Variants in ABCE1 observed in about 807,000 individuals in gnomAD.
ABCE1 encodes ATP binding cassette subfamily E member 1, also known as ATP-binding cassette sub-family E member 1.
In ABCE1, 22 loss-of-function variants were observed where a neutral mutation model predicts 83.4. The observed-to-expected ratio is 0.26, with a 90% confidence interval of 0.19 to 0.38. The LOEUF (loss-of-function observed/expected upper bound fraction) is 0.38, where lower values mean the gene tolerates loss of function less well. Ranked by LOEUF, ABCE1 falls within the 10% of genes least tolerant of loss-of-function variation. The pLI, the probability that ABCE1 is intolerant of heterozygous loss-of-function variation, is 1.00. For missense variants in ABCE1, 330 were observed against 721.9 expected (o/e 0.46, Z 6.22); for synonymous variants, 204 against 233.7 (o/e 0.87, Z 1.16).
intron 17 of ABCE1, among the ~76,000 whole-genome samples, chr4:145,127,120 G>GA (rs1749908003): frequency 6.6e-6 from 1 of 151,986 alleles, no homozygotes; most frequent in East Asian, 1.9e-4. Context: ...GCCAGTATTG[G>GA]AAAAAACTTT....
At chr4:145,104,654 T>C in intron 2 of ABCE1, 139 bp downstream of exon 2, 1 of 545,732 alleles carries the variant, frequency 1.8e-6, no homozygotes. Flanking sequence ...AGAAAAGTAG[T>C]TTGTTCTAAA....
At chr4:145,107,832 A>G (rs568273736) in intron 3 of ABCE1, among the ~76,000 whole-genome samples, 183 bp from the exon 4 acceptor site, 6 of 152,228 alleles carry the variant, frequency 3.9e-5, no homozygotes, top group Admixed American at 6.5e-5. Context: ...GACAATTGAT[A>G]TAATTCTAAT....
chr4:145,116,219 A>G (rs538576350), intron 9 of ABCE1, among the ~76,000 whole-genome samples: 1 of 152,104 alleles, frequency 6.6e-6, no homozygotes, highest in South Asian at 2.1e-4. Context: ...ATAGAAAGAT[A>G]GTAACTAAAG....
chr4:145,121,704 T>C, intron 13 of ABCE1: 1 of 236,190 alleles, frequency 4.2e-6, no homozygotes, highest in Non-Finnish European at 8.4e-6. Flanking sequence ...AAACCCTGTC[T>C]CTACTAAAAC....
In ABCE1 at chr4:145,114,615, G is replaced by T. The variant is rs148345267; in HGVS notation, c.800+2287G>T. On this transcript the variant is annotated intron_variant, in intron 9 of 17. Coordinates refer to ENST00000296577, the MANE Select transcript of ABCE1 (RefSeq NM_002940.3). The stretch of plus-strand genomic sequence containing the variant: ...AAATTAAAAGATCAGTAACTATTTT[G>T]TATAGTTGCAATAGGAAAGTGAAAT... Among the ~76,000 whole-genome samples, 671 of 152,034 alleles carry T rather than the reference G, an allele frequency of 4.4e-3. 7 individuals are homozygous for T. The highest frequency in any genetic ancestry group is 0.015 in the African/African-American group (636 of 41,512).
At chr4:145,101,556 A>G (rs189091797) in intron 1 of ABCE1, among the ~76,000 whole-genome samples, 7 of 152,312 alleles carry the variant, frequency 4.6e-5, no homozygotes, top group East Asian at 1.9e-4. Flanking sequence ...GTTGAGGGTT[A>G]GAGTAGAAAG....
chr4:145,107,915 T>C, intron 3 of ABCE1, 100 bp from the exon 4 acceptor site: 1 of 864,142 alleles, frequency 1.2e-6, no homozygotes. Flanking sequence ...TATGAAATCA[T>C]GTTTAGAAGA....
At chr4:145,104,000 T>G (rs1032423342) in intron 1 of ABCE1, among the ~76,000 whole-genome samples, 5 of 152,120 alleles carry the variant, frequency 3.3e-5, no homozygotes, top group African/African-American at 1.2e-4. Flanking sequence ...ATCTGTGATA[T>G]TAACTATTCT....
At chr4:145,105,236 C>T (rs1473967339) in intron 2 of ABCE1, among the ~76,000 whole-genome samples, 1 of 151,922 alleles carries the variant, frequency 6.6e-6, no homozygotes, top group African/African-American at 2.4e-5. Context: ...TAATGCTCTG[C>T]CTTACCATTT....
chr4:145,107,511 C>G (rs1287738251), intron 3 of ABCE1, among the ~76,000 whole-genome samples: 2 of 152,164 alleles, frequency 1.3e-5, no homozygotes, highest in Non-Finnish European at 2.9e-5. Flanking sequence ...TCAAGTTCTA[C>G]AAGGTTTTTC....
At position 145,098,434 on chromosome 4, in the gene ABCE1, C is replaced by T. The variant is rs544877154; in HGVS notation, c.-28+15C>T. ...GTTTTCTCCAGGTACGTGAATAGCC[C>T]GGAGAGGTTTGGCCGTTAGCTGCCA... On this transcript the variant is annotated intron_variant, in intron 1 of 17. Coordinates refer to ENST00000296577, the MANE Select transcript of ABCE1 (RefSeq NM_002940.3). 1 of 152,692 alleles carries T rather than the reference C, an allele frequency of 6.5e-6. No individual in the cohort carries two copies. The highest frequency in any genetic ancestry group is 2.4e-5 in the African/African-American group (1 of 41,592). The allele number at this position is 152,692 out of a possible 1,614,324, so 9.5% of individuals were successfully genotyped here.
At chr4:145,105,581 T>A in intron 2 of ABCE1, 24 bp from the exon 3 acceptor site, 1 of 1,515,040 alleles carries the variant, frequency 6.6e-7, no homozygotes, top group Non-Finnish European at 9.1e-7. Flanking sequence ...GGAAATGGCT[T>A]AATTATATCT....
intron 7 of ABCE1, chr4:145,110,688 G>T (rs902679667): frequency 9.9e-5 from 54 of 543,672 alleles, no homozygotes; most frequent in Admixed American, 1.7e-4. Flanking sequence ...TGTCAGTCAG[G>T]CTGGTCTCGA....
intron 9 of ABCE1, among the ~76,000 whole-genome samples, chr4:145,115,902 C>T (rs1384822965): frequency 6.6e-6 from 1 of 151,890 alleles, no homozygotes; most frequent in African/African-American, 2.4e-5. Context: ...TATTAAGAGT[C>T]TCCCTTAAGA....
intron 3 of ABCE1, among the ~76,000 whole-genome samples, chr4:145,107,534 G>A (rs1044315331): frequency 6.6e-6 from 1 of 152,106 alleles, no homozygotes; most frequent in Non-Finnish European, 1.5e-5. Context: ...TAAGTATTAA[G>A]CACTCTTTAA....
chr4:145,123,310 A>G lies in ABCE1; in HGVS notation c.1470A>G (p.Ala490=), dbSNP rs1749792399. 1 of 1,612,040 alleles carries G rather than the reference A, an allele frequency of 6.2e-7. No individual in the cohort carries two copies. The highest frequency in any genetic ancestry group is 1.3e-5 in the African/African-American group (1 of 74,706). ...ADVYLIDEPS[A]YLDSEQRLMA... is the part of the protein sequence containing the mutation. The stretch of plus-strand genomic sequence containing the variant: ...TCTATTTAATTGATGAACCATCTGC[A>G]TATTTGGATTCTGAGCAAAGACTGA... Residue 490 remains alanine (A), a synonymous_variant, in exon 15 of 18, where the codon GCA becomes GCG. Coordinates refer to ENST00000296577, the MANE Select transcript of ABCE1 (RefSeq NM_002940.3).
At chr4:145,098,487 C>G (rs1277656482) in intron 1 of ABCE1, 68 bp downstream of exon 1, 1 of 152,412 alleles carries the variant, frequency 6.6e-6, no homozygotes, top group Non-Finnish European at 1.5e-5. Flanking sequence ...AATGTAGGGA[C>G]GTTCTCCGAG....
At position 145,122,964 on chromosome 4, in the gene ABCE1, TAGAA is replaced by T. The variant is rs1038194244; in HGVS notation, c.1264-56_1264-53del. Reference sequence around the variant, plus strand: ...GCTTAACTTTGTCAAGATTCATAAATAGAAGAGTTCTATAGTGAAAGTTTATCAT... The same window carrying T: ...GCTTAACTTTGTCAAGATTCATAAATGAGTTCTATAGTGAAAGTTTATCAT... On this transcript the variant is annotated intron_variant, in intron 13 of 17. Coordinates refer to ENST00000296577, the MANE Select transcript of ABCE1 (RefSeq NM_002940.3). 13 of 1,213,660 alleles carry T rather than the reference TAGAA, an allele frequency of 1.1e-5. No individual in the cohort carries two copies. In the African/African-American group the frequency reaches 1.7e-4, roughly 16 times the overall value. The allele number at this position is 1,213,660 out of a possible 1,614,324, so 75.2% of individuals were successfully genotyped here.
intron 7 of ABCE1, 62 bp from the exon 8 acceptor site, chr4:145,110,906 G>A: frequency 9.2e-7 from 1 of 1,082,862 alleles, no homozygotes; most frequent in South Asian, 1.5e-5. Flanking sequence ...ATGACATGCA[G>A]TATACTTTTT....
Sources: gnomAD v4.1 joint callset for allele counts (sites outside exome capture counted in the v4.1 genomes callset) on GRCh38, gnomAD v4.1.1 for gene constraint, MANE v1.5 for transcripts, NCBI Gene and HGNC (gene_info 2026-07-23, HGNC 2026-07-21) for gene names.